Variants in MED27 observed in about 807,000 individuals in gnomAD.
The protein encoded by MED27 is mediator of RNA polymerase II transcription subunit 27.
Under a neutral mutation model 38.2 loss-of-function variants are expected in MED27, and 30 were observed. The observed-to-expected ratio is 0.79, with a 90% CI of 0.59 to 1.07. MED27 has a LOEUF of 1.07. Among genes scored for constraint, MED27 ranks in the 50% least tolerant of loss-of-function variants. The pLI, the probability that MED27 is intolerant of heterozygous loss-of-function variation, is 0.00. For synonymous variants in MED27, 122 were observed against 153.5 expected (o/e 0.79, Z 1.52); for missense variants, 289 against 397.5 (o/e 0.73, Z 2.32).
chr9:132,021,984 C>G (rs886321699), intron 2 of MED27, among the ~76,000 whole-genome samples: 1 of 152,304 alleles, frequency 6.6e-6, no homozygotes, highest in East Asian at 1.9e-4. Flanking sequence ...GTTGTTTACC[C>G]CAGTCTATGG....
At chr9:131,887,805 T>G (rs1839165643) in intron 5 of MED27, among the ~76,000 whole-genome samples, 1 of 152,176 alleles carries the variant, frequency 6.6e-6, no homozygotes. Flanking sequence ...ATAAGAAAGA[T>G]CTGAAAACAC....
chr9:132,014,825 TA>T lies in MED27; in HGVS notation c.349-359del, dbSNP rs1832567871. On this transcript the variant is annotated intron_variant, in intron 2 of 7. Coordinates refer to ENST00000292035, the MANE Select transcript of MED27 (RefSeq NM_004269.4). ...TTCCATTGTAAACAGAGAGGCACTT[TA>T]AAAAATGTTCTCTAAAATGCTAACT... 3.9e-5 allele frequency among the ~76,000 whole-genome samples: 6 copies of T among 152,352 alleles called. No individual in the cohort carries two copies. In the South Asian group the frequency reaches 1.2e-3, roughly 32 times the overall value.
chr9:132,022,132 T>G (rs1832729662), intron 2 of MED27, among the ~76,000 whole-genome samples: 3 of 152,098 alleles, frequency 2.0e-5, no homozygotes, highest in Admixed American at 2.0e-4. Flanking sequence ...GCGGTGACAA[T>G]GAATGAGAAT....
intron 3 of MED27, among the ~76,000 whole-genome samples, chr9:131,966,154 G>C (rs1431709482): frequency 7.4e-6 from 1 of 135,302 alleles, no homozygotes; most frequent in African/African-American, 2.9e-5. Context: ...CTTGAGGCCA[G>C]GCATTCGAGA....
At chr9:132,038,455 G>C (rs1481407076) in intron 2 of MED27, among the ~76,000 whole-genome samples, 1 of 151,524 alleles carries the variant, frequency 6.6e-6, no homozygotes, top group Non-Finnish European at 1.5e-5. Flanking sequence ...GCCTCCCAAA[G>C]TGCTGGGATT....
intron 4 of MED27, among the ~76,000 whole-genome samples, chr9:131,935,805 T>C (rs1391457905): frequency 6.6e-6 from 1 of 152,102 alleles, no homozygotes; most frequent in Admixed American, 6.5e-5. Context: ...AATTTACATA[T>C]ACATTACATA....
In MED27 at chr9:132,003,891, TC is replaced by T. The variant is rs1269640072; in HGVS notation, c.479+10445del. Among the ~76,000 whole-genome samples, 4 of 152,178 alleles carry T rather than the reference TC, an allele frequency of 2.6e-5. No individual in the cohort carries two copies. The highest frequency in any genetic ancestry group is 7.2e-5 in the African/African-American group (3 of 41,416). On this transcript the variant is annotated intron_variant, in intron 3 of 7. Transcript: ENST00000292035. This position sits in a 1 kb window ranked among gnomAD's most constrained non-coding sequence, Gnocchi z 4.2. The stretch of plus-strand genomic sequence containing the variant: ...TTTCTGTTTAAATGCAGTAGTACTT[TC>T]TGCACCTTTAGATTCCCGGTGTGGT...
chr9:131,969,049 T>C (rs1831417774), intron 3 of MED27, among the ~76,000 whole-genome samples: 1 of 152,188 alleles, frequency 6.6e-6, no homozygotes, highest in South Asian at 2.1e-4. Flanking sequence ...AGGGCTCCCA[T>C]TAATCCTACA....
intron 2 of MED27, among the ~76,000 whole-genome samples, chr9:132,045,700 G>A (rs757426203): frequency 1.1e-4 from 16 of 152,176 alleles, no homozygotes; most frequent in Non-Finnish European, 2.1e-4. Flanking sequence ...TCTCCACTAC[G>A]TTTTGAGTTA....
In MED27 at chr9:131,862,343, C is replaced by T. The variant is rs1390600997; in HGVS notation, c.801+720G>A. Among the ~76,000 whole-genome samples, 3 of 151,994 alleles carry T rather than the reference C, an allele frequency of 2.0e-5. No individual in the cohort carries two copies. The highest frequency in any genetic ancestry group is 4.2e-4 in the South Asian group (2 of 4,814). ...TGGGGTCTGCTGGCGTGAGAGCATG[C>T]GGCCGTGTGAGCATGCTGGCGTGAG... is the stretch of plus-strand genomic sequence containing the variant. On this transcript the variant is annotated intron_variant, in intron 7 of 7. Coordinates refer to ENST00000292035, the MANE Select transcript of MED27 (RefSeq NM_004269.4). The surrounding 1 kb of genome is among the most constrained non-coding windows in gnomAD (Gnocchi z 4.6).
chr9:131,976,523 G>A (rs1390455773), intron 3 of MED27, among the ~76,000 whole-genome samples: 2 of 152,214 alleles, frequency 1.3e-5, no homozygotes, highest in Admixed American at 6.5e-5. Flanking sequence ...TGCAGGTCCT[G>A]TAACCAAATG....
chr9:132,008,565 G>C (rs1437219845), intron 3 of MED27, among the ~76,000 whole-genome samples: 1 of 152,332 alleles, frequency 6.6e-6, no homozygotes, highest in East Asian at 1.9e-4. Flanking sequence ...AGAAAGATAT[G>C]AATCATTAAT....
intron 2 of MED27, among the ~76,000 whole-genome samples, chr9:132,069,566 A>G (rs1833887342): frequency 1.3e-5 from 2 of 152,124 alleles, no homozygotes; most frequent in African/African-American, 4.8e-5. Context: ...CTGCTGCTCC[A>G]CTCTGGGATA....
At chr9:132,016,562 C>T (rs1225837906) in intron 2 of MED27, among the ~76,000 whole-genome samples, 3 of 152,158 alleles carry the variant, frequency 2.0e-5, no homozygotes, top group African/African-American at 7.2e-5. Context: ...GACAATGTTT[C>T]AAAATGTCAG....
chr9:131,866,406 C>T (rs1463177641), intron 6 of MED27, among the ~76,000 whole-genome samples: 1 of 152,272 alleles, frequency 6.6e-6, no homozygotes, highest in Non-Finnish European at 1.5e-5. Flanking sequence ...TGCTAAATGG[C>T]CTTTGACCCA....
intron 4 of MED27, among the ~76,000 whole-genome samples, chr9:131,937,334 C>G (rs1830702834): frequency 6.6e-6 from 1 of 152,152 alleles, no homozygotes; most frequent in African/African-American, 2.4e-5. Flanking sequence ...TCTGTGAGTT[C>G]CTGTGTCGCT....
At chr9:131,911,616 C>T (rs1210812685) in intron 4 of MED27, among the ~76,000 whole-genome samples, 1 of 152,216 alleles carries the variant, frequency 6.6e-6, no homozygotes, top group Non-Finnish European at 1.5e-5. Context: ...GAAAAGTTCT[C>T]ATGTTTTAAC....
At chr9:131,949,781 T>C (rs1406089946) in intron 3 of MED27, among the ~76,000 whole-genome samples, 1 of 151,900 alleles carries the variant, frequency 6.6e-6, no homozygotes, top group Admixed American at 6.6e-5. Context: ...CTTCATGGGG[T>C]TTCCAGTTTC....
chr9:131,867,134 G>T (rs1342510700), intron 6 of MED27, among the ~76,000 whole-genome samples: 2 of 152,196 alleles, frequency 1.3e-5, no homozygotes, highest in African/African-American at 4.8e-5. Context: ...TCAGTCTAGT[G>T]CCTGATGCAG....
Sources: gnomAD v4.1 joint callset for allele counts (sites outside exome capture counted in the v4.1 genomes callset) on GRCh38, gnomAD v4.1.1 for gene constraint, Gnocchi (gnomAD v3.1) non-coding constraint, MANE v1.5 for transcripts, NCBI Gene and HGNC (gene_info 2026-07-23, HGNC 2026-07-21) for gene names.